MSI2: variants seen among roughly 807,000 people sequenced by gnomAD.
MSI2 encodes the protein RNA-binding protein Musashi homolog 2.
MSI2 carries 17 observed loss-of-function variants against 45.6 expected under a neutral mutation model. The observed-to-expected ratio is 0.37, with a 90% CI of 0.26 to 0.56. MSI2 has a LOEUF of 0.56. Among genes scored for constraint, MSI2 ranks in the 20% least tolerant of loss-of-function variants. MSI2 has a pLI of 0.77. For synonymous variants in MSI2, 156 were observed against 158.2 expected, an observed-to-expected ratio of 0.99 and a Z score of 0.11; for missense variants, 293 against 444.2, an observed-to-expected ratio of 0.66 and a Z score of 3.06.
At chr17:57,691,200 CATCTATCTATCTATCT>C in the MSI2 span, among the ~76,000 whole-genome samples, 23 of 140,204 alleles carry the variant, frequency 1.6e-4, no homozygotes, top group Non-Finnish European at 2.3e-4. Flanking sequence ...CTCTCTCTCT[CATCTATCTATCTATCT>C]ATCTATCTAT....
In MSI2 at chr17:57,683,389, A is replaced by C. The variant is rs1375815159; in HGVS notation, c.*3872A>C. ...GGGAAAAAATTTATTTTTGGTTCCA[A>C]ATAGAAAAACAAAACCTATTTTGAT... On this transcript the variant is annotated 3_prime_UTR_variant, in exon 14 of 14. Transcript: ENST00000284073. The surrounding 1 kb of genome is among the most constrained non-coding windows in gnomAD (Gnocchi z 5.2). 1 of 229,892 alleles carries C rather than the reference A, an allele frequency of 4.3e-6. No homozygotes were observed. The highest frequency in any genetic ancestry group is 8.6e-6 in the Non-Finnish European group (1 of 116,034). The allele number at this position is 229,892 out of a possible 1,614,324, so 14.2% of individuals were successfully genotyped here.
intron 10 of MSI2, among the ~76,000 whole-genome samples, chr17:57,644,894 C>A (rs182281210): frequency 4.6e-5 from 7 of 152,242 alleles, no homozygotes; most frequent in Admixed American, 4.6e-4. Context: ...CACAGAGGGG[C>A]CACTGACTCA....
intron 6 of MSI2, among the ~76,000 whole-genome samples, chr17:57,460,128 CAAAT>C (rs72396563): frequency 0.7 from 97,612 of 138,552 alleles, 34,637 homozygotes; most frequent in South Asian, 0.82. Context: ...AACTCTGTCT[CAAAT>C]AAATAAATAA....
Position 57,619,553 on chromosome 17 carries a change from G to A in MSI2, c.652+3469G>A, listed in dbSNP as rs942188691. Reference sequence around the variant, plus strand: ...TTCGGAATAAACAGGCTTGGAACACGAGGACCCTACTGTGGGACCTTGAGA... The same window carrying A: ...TTCGGAATAAACAGGCTTGGAACACAAGGACCCTACTGTGGGACCTTGAGA... On this transcript the variant is annotated intron_variant, in intron 9 of 13. Coordinates refer to ENST00000284073, the MANE Select transcript of MSI2 (RefSeq NM_138962.4). 5.9e-5 allele frequency among the ~76,000 whole-genome samples: 9 copies of A among 152,308 alleles called. No individual in the cohort carries two copies. The East Asian group carries it at 1.2e-3, about 20-fold the overall frequency.
At chr17:57,451,668 A>G (rs2085021868) in intron 6 of MSI2, among the ~76,000 whole-genome samples, 1 of 152,204 alleles carries the variant, frequency 6.6e-6, no homozygotes, top group African/African-American at 2.4e-5. Context: ...AAATTGCTCC[A>G]GTGCTTTGCT....
chr17:57,283,423 G>C (rs1598068425), intron 5 of MSI2, among the ~76,000 whole-genome samples: 1 of 152,048 alleles, frequency 6.6e-6, no homozygotes, highest in Admixed American at 6.6e-5. Flanking sequence ...ACTTCAGGGG[G>C]GCTTGATTTG....
rs1913531341 is a variant in MSI2, at chr17:57,680,474, C to G, written c.*957C>G. ...AAGGAGGCGGGAAGGGAACGTTGGC[C>G]AAGTCAGTTACTGAGATGAAGATCG... On this transcript the variant is annotated 3_prime_UTR_variant, in exon 14 of 14. Coordinates refer to ENST00000284073, the MANE Select transcript of MSI2 (RefSeq NM_138962.4). 4.4e-6 allele frequency: 1 copy of G among 229,104 alleles called. No individual in the cohort carries two copies. The highest frequency in any genetic ancestry group is 8.7e-6 in the Non-Finnish European group (1 of 115,548). 14.2% of individuals were successfully genotyped at this position (229,104 alleles called of 1,614,324 possible).
rs1030579138 is a variant in MSI2, at chr17:57,289,299, T to C, written c.312+27107T>C. ...CTATAGAGCTTTTTGGAGTGGGAAC[T>C]TCTTTTAGCAGAATGACTCTGCACT... On this transcript the variant is annotated intron_variant, in intron 5 of 13. Transcript: ENST00000284073. 3.9e-5 allele frequency among the ~76,000 whole-genome samples: 6 copies of C among 152,258 alleles called. No individual in the cohort carries two copies. The South Asian group carries it at 1.2e-3, about 32-fold the overall frequency.
intron 6 of MSI2, among the ~76,000 whole-genome samples, chr17:57,517,378 C>T (rs545696365): frequency 6.6e-6 from 1 of 152,268 alleles, no homozygotes; most frequent in East Asian, 1.9e-4. Context: ...ATACAGTTCG[C>T]AGAATTCTGC....
intron 7 of MSI2, among the ~76,000 whole-genome samples, chr17:57,583,312 A>G (rs1396127540): frequency 6.6e-6 from 1 of 152,170 alleles, no homozygotes; most frequent in Non-Finnish European, 1.5e-5. Context: ...ACCCTCATGG[A>G]AACATTTCCT....
chr17:57,579,142 G>T (rs1200120629), intron 7 of MSI2, among the ~76,000 whole-genome samples: 1 of 152,158 alleles, frequency 6.6e-6, no homozygotes, highest in East Asian at 1.9e-4. Flanking sequence ...AGTGAATTTG[G>T]ATATAATAAA....
intron 6 of MSI2, among the ~76,000 whole-genome samples, chr17:57,460,056 G>A (rs552431233): frequency 4.6e-5 from 7 of 151,806 alleles, no homozygotes; most frequent in Non-Finnish European, 8.8e-5. Context: ...CTGAACCCGG[G>A]GGGTGGAGGT....
intron 5 of MSI2, among the ~76,000 whole-genome samples, chr17:57,292,073 G>C (rs553624195): frequency 6.6e-6 from 1 of 152,008 alleles, no homozygotes; most frequent in African/African-American, 2.4e-5. Context: ...CGAGACCTGC[G>C]TGAAAATGCA....
At chr17:57,568,504 G>A (rs565969790) in intron 7 of MSI2, among the ~76,000 whole-genome samples, 3 of 152,242 alleles carry the variant, frequency 2.0e-5, no homozygotes, top group South Asian at 4.2e-4. Context: ...GAAGGTGGTC[G>A]ACCCCCAAAG....
chr17:57,532,534 T>C (rs1194126998), intron 7 of MSI2, among the ~76,000 whole-genome samples: 1 of 152,142 alleles, frequency 6.6e-6, no homozygotes, highest in Non-Finnish European at 1.5e-5. Context: ...AAAATTTTTG[T>C]TTTTCAAAAA....
At chr17:57,668,894 C>T (rs1212341479) in intron 11 of MSI2, among the ~76,000 whole-genome samples, 3 of 152,106 alleles carry the variant, frequency 2.0e-5, no homozygotes, top group Non-Finnish European at 4.4e-5. Flanking sequence ...GCATCTGGGT[C>T]CCTGAACTGA....
In MSI2 at chr17:57,509,417, T is replaced by TTTTTG. The variant is rs374265691; in HGVS notation, c.406-20244_406-20240dup. Among the ~76,000 whole-genome samples, 888 of 152,224 alleles carry TTTTTG rather than the reference T, an allele frequency of 5.8e-3. 10 individuals carry two copies. The highest frequency in any genetic ancestry group is 0.02 in the African/African-American group (819 of 41,524). On this transcript the variant is annotated intron_variant, in intron 6 of 13. Coordinates refer to ENST00000284073, the MANE Select transcript of MSI2 (RefSeq NM_138962.4). ...GTCTGGCGTCATCTTGGTTGCTTGC[T>TTTTTG]TTTTGTTTTGTTTTGTTTTTGAGAC...
At chr17:57,538,146 G>C (rs182399884) in intron 7 of MSI2, among the ~76,000 whole-genome samples, 8 of 151,868 alleles carry the variant, frequency 5.3e-5, no homozygotes, top group African/African-American at 1.7e-4. Flanking sequence ...AGAGTGTGGA[G>C]ATCTGAAGAG....
chr17:57,512,581 T>C (rs1007911540), intron 6 of MSI2, among the ~76,000 whole-genome samples: 5 of 152,230 alleles, frequency 3.3e-5, no homozygotes, highest in African/African-American at 4.8e-5. Context: ...CGCAGAGTCT[T>C]AGTTAAGACT....
Sources: gnomAD v4.1 joint callset for allele counts (sites outside exome capture counted in the v4.1 genomes callset) on GRCh38, gnomAD v4.1.1 for gene constraint, Gnocchi (gnomAD v3.1) non-coding constraint, MANE v1.5 for transcripts, NCBI Gene and HGNC (gene_info 2026-07-23, HGNC 2026-07-21) for gene names.